Variants in OPCML observed in about 807,000 individuals in gnomAD.
OPCML encodes the protein opioid binding protein/cell adhesion molecule like.
In OPCML, 13 loss-of-function variants were observed where a neutral mutation model predicts 37.8. The observed-to-expected ratio is 0.34, with a 90% confidence interval of 0.22 to 0.55. The LOEUF (loss-of-function observed/expected upper bound fraction) is 0.55, where lower values mean the gene tolerates loss of function less well. Ranked by LOEUF, OPCML falls within the 20% of genes least tolerant of loss-of-function variation. OPCML has a pLI of 0.91. For synonymous variants in OPCML, 176 were observed against 168.8 expected (o/e 1.04, Z -0.33); for missense variants, 341 against 435.6 (o/e 0.78, Z 1.93).
chr11:133,126,015 T>C (rs1949508331), intron 1 of OPCML, among the ~76,000 whole-genome samples: 2 of 150,514 alleles, frequency 1.3e-5, no homozygotes, highest in Admixed American at 6.7e-5. Flanking sequence ...TAGACACATA[T>C]GTGTATATAT....
At chr11:133,360,386 G>T (rs1370573458) in intron 1 of OPCML, 4 of 152,250 alleles carry the variant, frequency 2.6e-5, no homozygotes, top group African/African-American at 9.6e-5. Context: ...TGCAAAGGAT[G>T]CGAATGCAAG....
intron 4 of OPCML, among the ~76,000 whole-genome samples, chr11:132,478,112 T>C (rs1283344765): frequency 6.6e-6 from 1 of 152,236 alleles, no homozygotes; most frequent in Admixed American, 6.5e-5. Context: ...AGATTAACTA[T>C]GCTAAAATGA....
chr11:133,003,585 A>C (rs1947052310), intron 1 of OPCML: 2 of 922,382 alleles, frequency 2.2e-6, no homozygotes, highest in Non-Finnish European at 2.6e-6. Flanking sequence ...AGTTCCAGGA[A>C]TTAGAAGTTG....
chr11:132,499,070 T>C (rs1473906731), intron 4 of OPCML, among the ~76,000 whole-genome samples: 1 of 152,190 alleles, frequency 6.6e-6, no homozygotes, highest in Non-Finnish European at 1.5e-5. Context: ...GTAGCACACC[T>C]TGAAATTCAG....
intron 1 of OPCML, among the ~76,000 whole-genome samples, chr11:133,311,545 A>G (rs1012147631): frequency 6.6e-6 from 1 of 152,228 alleles, no homozygotes; most frequent in African/African-American, 2.4e-5. Flanking sequence ...ATCCAGCTGT[A>G]GGAGAAGAAA....
rs1938665849 is a variant in OPCML, at chr11:132,611,903, T to TGG, written c.379+45182_379+45183dup. On this transcript the variant is annotated intron_variant, in intron 3 of 7. Transcript: ENST00000524381. ...CAGTCCCAGGCAAACCTTGATGAGGTGGTCACCCTACTCAAGGCCAAGACT... is the reference window on the plus strand; with the variant it reads ...CAGTCCCAGGCAAACCTTGATGAGGTGGGGTCACCCTACTCAAGGCCAAGACT... Among the ~76,000 whole-genome samples the TGG allele has an allele frequency of 2.0e-5, 3 of 152,186 alleles. No individual in the cohort carries two copies. In the South Asian group the frequency reaches 6.2e-4, roughly 32 times the overall value.
intron 2 of OPCML, among the ~76,000 whole-genome samples, chr11:132,923,095 T>TAAATAAATAAATA (rs11440384): frequency 2.1e-5 from 3 of 143,994 alleles, no homozygotes. Context: ...AATAAATAAA[T>TAAATAAATAAATA]AATAATAATA....
chr11:133,364,881 T>C (rs1420826503), intron 1 of OPCML, among the ~76,000 whole-genome samples: 2 of 151,956 alleles, frequency 1.3e-5, no homozygotes, highest in Non-Finnish European at 2.9e-5. Flanking sequence ...CTTAACCTTA[T>C]TTATAGCAGG....
At chr11:133,489,381 A>G (rs2120425234) in intron 1 of OPCML, among the ~76,000 whole-genome samples, 1 of 152,250 alleles carries the variant, frequency 6.6e-6, no homozygotes, top group South Asian at 2.1e-4. Context: ...ACAACTCAAC[A>G]AATAAAAAAA....
intron 2 of OPCML, among the ~76,000 whole-genome samples, chr11:132,741,810 TGAGCTCCGGA>T (rs543737725): frequency 3.3e-5 from 5 of 152,228 alleles, no homozygotes; most frequent in African/African-American, 1.2e-4. Flanking sequence ...GCAGATCACC[TGAGCTCCGGA>T]GTTTGAGACC....
At chr11:132,650,722 G>A (rs1023171010) in intron 3 of OPCML, among the ~76,000 whole-genome samples, 17 of 152,160 alleles carry the variant, frequency 1.1e-4, no homozygotes, top group African/African-American at 4.1e-4. Flanking sequence ...TCTTGGAGAT[G>A]CAGGCCTGCA....
At chr11:132,981,270 T>C (rs1946577249) in intron 1 of OPCML, among the ~76,000 whole-genome samples, 1 of 152,086 alleles carries the variant, frequency 6.6e-6, no homozygotes, top group Admixed American at 6.5e-5. Context: ...ACAAGACAGA[T>C]AAGATGTAGT....
In OPCML at chr11:133,177,965, G is replaced by C. The variant is rs866040513; in HGVS notation, c.62-234955C>G. On this transcript the variant is annotated intron_variant, in intron 1 of 7. Transcript: ENST00000524381. The surrounding 1 kb of genome is among the most constrained non-coding windows in gnomAD (Gnocchi z 5.0). ...ACTGAATAAATGAGAGCTGGCAGGA[G>C]GCAATCCCAAGGTTTAAGGCAGAAT... is the stretch of plus-strand genomic sequence containing the variant. Among the ~76,000 whole-genome samples the C allele has an allele frequency of 1.3e-5, 2 of 152,176 alleles. No homozygotes were observed. Among genetic ancestry groups the C allele is most frequent in the Non-Finnish European group, 2.9e-5 (2 of 68,038 alleles).
At chr11:132,860,823 A>G (rs957542816) in intron 2 of OPCML, 8 of 152,226 alleles carry the variant, frequency 5.3e-5, no homozygotes, top group African/African-American at 9.7e-5. Flanking sequence ...CATGACCTCA[A>G]TCAGCTCCGA....
rs147256857 is a variant in OPCML at position 133,516,437 on chromosome 11, C to T, written c.61+15827G>A. Among the ~76,000 whole-genome samples, 1,171 of 152,206 alleles carry T rather than the reference C, an allele frequency of 7.7e-3. 7 individuals carry two copies. Among genetic ancestry groups the T allele is most frequent in the African/African-American group, 0.024 (983 of 41,524 alleles). ...TGGGGGGACACACTCACACCACCGC[C>T]GCCGGGGCTGGGGCTGGACTCCAGT... On this transcript the variant is annotated intron_variant, in intron 1 of 7. Transcript: ENST00000524381.
chr11:132,579,489 C>T (rs1273708093), intron 3 of OPCML, among the ~76,000 whole-genome samples: 2 of 151,750 alleles, frequency 1.3e-5, no homozygotes, highest in African/African-American at 4.8e-5. Context: ...GTAATAACAG[C>T]TTATGGGCAA....
At chr11:133,183,689 GTT>G (rs1440525403) in intron 1 of OPCML, among the ~76,000 whole-genome samples, 1 of 152,166 alleles carries the variant, frequency 6.6e-6, no homozygotes, top group East Asian at 1.9e-4. Flanking sequence ...ACAAGGTTGA[GTT>G]TTTGCCTTCA....
At chr11:133,493,418 A>C (rs1328766552) in intron 1 of OPCML, among the ~76,000 whole-genome samples, 1 of 152,258 alleles carries the variant, frequency 6.6e-6, no homozygotes, top group Non-Finnish European at 1.5e-5. Context: ...TCGTTCAGTC[A>C]CATGGGTGCA....
intron 1 of OPCML, among the ~76,000 whole-genome samples, chr11:133,278,768 T>C (rs764168080): frequency 6.6e-6 from 1 of 152,196 alleles, no homozygotes; most frequent in Non-Finnish European, 1.5e-5. Flanking sequence ...AGCCACCTAC[T>C]CAATTGATTC....
Sources: allele counts gnomAD v4.1 joint callset (sites outside exome capture counted in the v4.1 genomes callset), GRCh38; gene constraint gnomAD v4.1.1; non-coding constraint Gnocchi (gnomAD v3.1); transcripts MANE v1.5; gene names NCBI Gene and HGNC (gene_info 2026-07-23, HGNC 2026-07-21).